Variants in TBC1D1 observed in about 807,000 individuals in gnomAD.
TBC1D1 encodes TBC1 domain family member 1, also known as TBC1 (tre-2/USP6, BUB2, cdc16) domain family, member 1.
A neutral mutation model predicts 125.6 loss-of-function variants in TBC1D1; 89 were observed. The ratio of observed to expected loss-of-function variants is 0.71; its 90% CI spans 0.60 to 0.85. TBC1D1 has a LOEUF of 0.85. Ranked by LOEUF, TBC1D1 falls within the 40% of genes least tolerant of loss-of-function variation. TBC1D1 has a pLI of 0.00. For missense variants in TBC1D1, 1,377 were observed against 1,469.2 expected, an observed-to-expected ratio of 0.94 and a Z score of 1.03; for synonymous variants, 565 against 564.1, an observed-to-expected ratio of 1.00 and a Z score of -0.02.
At chr4:38,079,183 T>C (rs1162916438) in intron 12 of TBC1D1, among the ~76,000 whole-genome samples, 5 of 152,150 alleles carry the variant, frequency 3.3e-5, no homozygotes, top group Admixed American at 3.3e-4. Context: ...GAAATCGTGA[T>C]CTTAGCTTTT....
intron 14 of TBC1D1, among the ~76,000 whole-genome samples, chr4:38,098,295 T>C (rs1264931281): frequency 1.3e-5 from 2 of 152,252 alleles, no homozygotes; most frequent in African/African-American, 4.8e-5. Flanking sequence ...GAGAAAAGAA[T>C]GAGTCTGTTC....
At chr4:37,948,502 CTG>C (rs1350475715) in intron 2 of TBC1D1, among the ~76,000 whole-genome samples, 5 of 152,024 alleles carry the variant, frequency 3.3e-5, no homozygotes, top group Non-Finnish European at 7.4e-5. Flanking sequence ...TGGCGCATGC[CTG>C]TAATCCCAGC....
chr4:37,976,538 G>C (rs1227617956), intron 2 of TBC1D1, among the ~76,000 whole-genome samples: 3 of 152,232 alleles, frequency 2.0e-5, no homozygotes, highest in African/African-American at 4.8e-5. Context: ...ACAATTAGTA[G>C]AAGGAAAAGA....
At chr4:37,901,158 TTTTG>T (rs1316953077) in intron 1 of TBC1D1, among the ~76,000 whole-genome samples, 6 of 152,092 alleles carry the variant, frequency 3.9e-5, no homozygotes, top group South Asian at 2.1e-4. Context: ...GTTTTCTGTT[TTTTG>T]TTTGTTTGTT....
chr4:37,977,469 C>G lies in TBC1D1; in HGVS notation c.418-37040C>G. On this transcript the variant is annotated intron_variant, in intron 2 of 19. Coordinates refer to ENST00000261439, the MANE Select transcript of TBC1D1 (RefSeq NM_015173.4). This position sits in a 1 kb window ranked among gnomAD's most constrained non-coding sequence, Gnocchi z 4.3. The stretch of plus-strand genomic sequence containing the variant: ...GCCGGCGGCGGGAGTGAGCGGGAGC[C>G]GGCGGGCGAAGAGCCGCCGCCCGGC... The G allele has an allele frequency of 2.0e-6, 2 of 987,210 alleles. No homozygotes were observed. The highest frequency in any genetic ancestry group is 2.4e-6 in the Non-Finnish European group (2 of 827,334). The allele number at this position is 987,210 out of a possible 1,614,324, so 61.2% of individuals were successfully genotyped here. A position where few individuals can be genotyped will look rare whatever the true frequency, so the allele number is the denominator to read the frequency against.
rs542614808 is a variant in TBC1D1, at chr4:38,108,167, T to TGGGGC, written c.2557+5011_2557+5015dup. 1.6e-3 allele frequency among the ~76,000 whole-genome samples: 246 copies of TGGGGC among 152,318 alleles called. 1 individual carries two copies. The highest frequency in any genetic ancestry group is 2.3e-3 in the Non-Finnish European group (157 of 68,026). ...ACTGCCCAGCATCCTGTCTTCTGTC[T>TGGGGC]GGGGCTCCCACTGTCGTCCTGACCA... On this transcript the variant is annotated intron_variant, in intron 15 of 19. Transcript: ENST00000261439.
At chr4:38,036,695 G>A (rs938739148) in intron 8 of TBC1D1, among the ~76,000 whole-genome samples, 1 of 152,242 alleles carries the variant, frequency 6.6e-6, no homozygotes, top group East Asian at 1.9e-4. Flanking sequence ...TGGCAGTCAC[G>A]TGCCTTCCCT....
chr4:38,042,242 T>C (rs1341976161), intron 8 of TBC1D1, among the ~76,000 whole-genome samples: 1 of 152,110 alleles, frequency 6.6e-6, no homozygotes, highest in Non-Finnish European at 1.5e-5. Context: ...GTTTTTTGAT[T>C]GTCTGGTTTA....
At chr4:38,011,123 G>T (rs765224190) in intron 2 of TBC1D1, among the ~76,000 whole-genome samples, 1 of 152,054 alleles carries the variant, frequency 6.6e-6, no homozygotes, top group Non-Finnish European at 1.5e-5. Context: ...AGGCCGAGGC[G>T]GGTGGATCAC....
intron 1 of TBC1D1, among the ~76,000 whole-genome samples, chr4:37,899,684 T>C (rs1386701332): frequency 6.6e-6 from 1 of 152,168 alleles, no homozygotes. Context: ...ATGTGGTGCT[T>C]GACACCAAAA....
rs769510207 is a variant in TBC1D1 at position 38,044,528 on chromosome 4, CT to C, written c.1542+43del. 7.6e-6 allele frequency: 12 copies of C among 1,585,498 alleles called. No homozygotes were observed. In the East Asian group the frequency reaches 2.7e-4, roughly 36 times the overall value. ...ATTTCTCCTGATTTAAGTTAAATCA[CT>C]TTTTAGGAGAGTGTAAGATTGAGTT... On this transcript the variant is annotated intron_variant, in intron 9 of 19. Coordinates refer to ENST00000261439, the MANE Select transcript of TBC1D1 (RefSeq NM_015173.4).
chr4:38,046,047 T>C, intron 10 of TBC1D1, 144 bp downstream of exon 10: 1 of 695,904 alleles, frequency 1.4e-6, no homozygotes, highest in Non-Finnish European at 2.5e-6. Flanking sequence ...TGCAGTTCTA[T>C]CATAACATAA....
chr4:37,974,426 A>G (rs1732644214), intron 2 of TBC1D1, among the ~76,000 whole-genome samples: 1 of 152,122 alleles, frequency 6.6e-6, no homozygotes, highest in Non-Finnish European at 1.5e-5. Context: ...TTATGTAGAC[A>G]TGGGGTCTCA....
intron 11 of TBC1D1, among the ~76,000 whole-genome samples, chr4:38,052,726 G>GCACACACACACACA (rs1246402585): frequency 5.8e-5 from 4 of 68,992 alleles, no homozygotes; most frequent in Admixed American, 1.4e-4. Context: ...GCGCGCGCGC[G>GCACACACACACACA]CGCACACACA....
In TBC1D1 at chr4:37,977,375, C is replaced by A. The variant is rs1733369334; in HGVS notation, c.418-37134C>A. The A allele has an allele frequency of 5.1e-6, 2 of 394,614 alleles. No homozygotes were observed. The highest frequency in any genetic ancestry group is 6.6e-5 in the Admixed American group (1 of 15,148). The allele number at this position is 394,614 out of a possible 1,614,324, so 24.4% of individuals were successfully genotyped here. ...TGGAGCCCGCCGCCGCCGCCGCCGC[C>A]GCCGGGGAGAGCGATGCCCCGGCCC... On this transcript the variant is annotated intron_variant, in intron 2 of 19. Transcript: ENST00000261439. This position sits in a 1 kb window ranked among gnomAD's most constrained non-coding sequence, Gnocchi z 4.3.
intron 18 of TBC1D1, among the ~76,000 whole-genome samples, chr4:38,130,802 C>T (rs546380943): frequency 3.3e-5 from 5 of 152,256 alleles, no homozygotes; most frequent in Non-Finnish European, 4.4e-5. Context: ...TTTTAATATT[C>T]GTCTGTTTTA....
At chr4:38,034,203 G>A (rs1746767946) in intron 7 of TBC1D1, among the ~76,000 whole-genome samples, 1 of 152,218 alleles carries the variant, frequency 6.6e-6, no homozygotes. Flanking sequence ...GTTAAGTTGG[G>A]ATTGTGGCAT....
At chr4:37,937,150 G>A (rs1724560309) in intron 2 of TBC1D1, among the ~76,000 whole-genome samples, 1 of 152,226 alleles carries the variant, frequency 6.6e-6, no homozygotes, top group Non-Finnish European at 1.5e-5. Context: ...CCCTCCTTGT[G>A]AGAGTCAGCT....
intron 2 of TBC1D1, among the ~76,000 whole-genome samples, chr4:37,989,836 C>G (rs954287543): frequency 3.3e-5 from 5 of 152,128 alleles, no homozygotes; most frequent in African/African-American, 1.2e-4. Context: ...GGGAGGGACT[C>G]CTTGACAGTT....
Sources: gnomAD v4.1 joint callset for allele counts (sites outside exome capture counted in the v4.1 genomes callset) on GRCh38, gnomAD v4.1.1 for gene constraint, Gnocchi (gnomAD v3.1) non-coding constraint, MANE v1.5 for transcripts, NCBI Gene and HGNC (gene_info 2026-07-23, HGNC 2026-07-21) for gene names.